WIPF1: variants seen among roughly 807,000 people sequenced by gnomAD.
WIPF1 encodes WAS/WASL interacting protein family member 1, also known as WAS/WASL-interacting protein family member 1.
In WIPF1, 13 loss-of-function variants were observed where a neutral mutation model predicts 35.4. That is an observed-to-expected ratio of 0.37 (90% CI 0.24 to 0.58). The LOEUF (loss-of-function observed/expected upper bound fraction) is 0.58, where lower values mean the gene tolerates loss of function less well. Among genes scored for constraint, WIPF1 ranks in the 20% least tolerant of loss-of-function variants. WIPF1 has a pLI of 0.74. For missense variants in WIPF1, 591 were observed against 667.0 expected, an observed-to-expected ratio of 0.89 and a Z score of 1.25; for synonymous variants, 267 against 266.3, an observed-to-expected ratio of 1.00 and a Z score of -0.02.
chr2:174,562,144 G>C lies in WIPF1; in HGVS notation c.*403C>G. The stretch of plus-strand genomic sequence containing the variant: ...AGGTGGTCTGTGGTTCATAGAAACA[G>C]AGAGGAGGCCAAGCATGCGAAAAAG... On this transcript the variant is annotated 3_prime_UTR_variant, in exon 8 of 8. Coordinates refer to ENST00000679041, the MANE Select transcript of WIPF1 (RefSeq NM_001375834.1). The C allele has an allele frequency of 6.4e-7, 1 of 1,550,600 alleles. No homozygotes were observed. The highest frequency in any genetic ancestry group is 1.2e-5 in the South Asian group (1 of 84,060).
At chr2:174,663,113 G>C (rs1343771031) in intron 1 of WIPF1, among the ~76,000 whole-genome samples, 1 of 152,158 alleles carries the variant, frequency 6.6e-6, no homozygotes, top group Non-Finnish European at 1.5e-5. Context: ...GTGAAGAGAG[G>C]GTGGGAGAAA....
At chr2:174,653,393 A>T (rs114661644) in intron 1 of WIPF1, among the ~76,000 whole-genome samples, 3,564 of 152,182 alleles carry the variant, frequency 0.023, 136 homozygotes, top group African/African-American at 0.079. Context: ...ATATGGGGAT[A>T]GTACCTCTTA....
At chr2:174,570,492 A>C (rs1361833953) in intron 5 of WIPF1, 1 of 152,176 alleles carries the variant, frequency 6.6e-6, no homozygotes, top group Non-Finnish European at 1.5e-5. Flanking sequence ...TATTTTGGGG[A>C]AGATTTAATC....
chr2:174,620,222 A>C (rs150153029), intron 1 of WIPF1, among the ~76,000 whole-genome samples: 19 of 152,362 alleles, frequency 1.2e-4, no homozygotes, highest in African/African-American at 4.6e-4. Flanking sequence ...AAACAGCTTC[A>C]GTGAATATCT....
At chr2:174,654,535 A>C (rs1289498352) in intron 1 of WIPF1, among the ~76,000 whole-genome samples, 1 of 152,060 alleles carries the variant, frequency 6.6e-6, no homozygotes, top group Non-Finnish European at 1.5e-5. Flanking sequence ...AAAGAACAAG[A>C]TTCTAGAGTC....
chr2:174,620,715 A>C (rs1686647505), intron 1 of WIPF1, among the ~76,000 whole-genome samples: 1 of 152,204 alleles, frequency 6.6e-6, no homozygotes, highest in Non-Finnish European at 1.5e-5. Context: ...CATTTTAGGG[A>C]CATGTGAGCA....
At chr2:174,594,606 C>G (rs1685734911) in intron 1 of WIPF1, among the ~76,000 whole-genome samples, 1 of 134,754 alleles carries the variant, frequency 7.4e-6, no homozygotes, top group Non-Finnish European at 1.7e-5. Context: ...GTTCAAATCT[C>G]CAAGCTAAAA....
intron 1 of WIPF1, among the ~76,000 whole-genome samples, chr2:174,648,751 G>A (rs1409718985): frequency 1.3e-5 from 2 of 152,134 alleles, no homozygotes; most frequent in Non-Finnish European, 2.9e-5. Context: ...GCTATGGAAT[G>A]TACAATTAGA....
intron 5 of WIPF1, among the ~76,000 whole-genome samples, chr2:174,570,130 C>G (rs1213640739): frequency 6.6e-6 from 1 of 152,114 alleles, no homozygotes; most frequent in Non-Finnish European, 1.5e-5. Context: ...CCCATATGAC[C>G]AAGTGAGGGG....
At chr2:174,656,552 T>C (rs1484984367) in intron 1 of WIPF1, among the ~76,000 whole-genome samples, 2 of 152,200 alleles carry the variant, frequency 1.3e-5, no homozygotes, top group Non-Finnish European at 2.9e-5. Context: ...TTTTAAGATA[T>C]TCTCCAATGA....
intron 1 of WIPF1, among the ~76,000 whole-genome samples, chr2:174,679,361 G>C (rs1181338025): frequency 6.6e-6 from 1 of 152,016 alleles, no homozygotes; most frequent in African/African-American, 2.4e-5. Flanking sequence ...CCAGCTACTT[G>C]GGAGGCTGAG....
chr2:174,633,065 G>A (rs1687076422), intron 1 of WIPF1, among the ~76,000 whole-genome samples: 1 of 152,134 alleles, frequency 6.6e-6, no homozygotes, highest in African/African-American at 2.4e-5. Context: ...CTCCAAACCT[G>A]ATAACAATGT....
chr2:174,569,972 T>C (rs2105801459), intron 5 of WIPF1, among the ~76,000 whole-genome samples: 1 of 152,356 alleles, frequency 6.6e-6, no homozygotes, highest in East Asian at 1.9e-4. Context: ...GCAGTACCTA[T>C]TGAAATCCAT....
At chr2:174,646,220 A>C (rs1248473922) in intron 1 of WIPF1, among the ~76,000 whole-genome samples, 1 of 152,212 alleles carries the variant, frequency 6.6e-6, no homozygotes, top group Admixed American at 6.5e-5. Context: ...CGGGACCAAG[A>C]GAACACCTAA....
At chr2:174,598,993 A>C (rs1008499415), upstream of WIPF1, among the ~76,000 whole-genome samples, 1 of 152,266 alleles carries the variant, frequency 6.6e-6, no homozygotes, top group East Asian at 1.9e-4. Flanking sequence ...AAACAGTAAC[A>C]GTCAAAGAAT....
rs1375680784 is a variant in WIPF1 at position 174,648,968 on chromosome 2, C to T, written c.-39+33806G>A. ...TTACATTTCACATTTGTGCAGTTTG[C>T]ATAACAGGCACATTTAACTTACATA... On this transcript the variant is annotated intron_variant, in intron 1 of 8. Coordinates refer to the WIPF1 transcript ENST00000272746. 2.0e-5 allele frequency among the ~76,000 whole-genome samples: 3 copies of T among 152,262 alleles called. No individual in the cohort carries two copies. In the East Asian group the frequency reaches 5.8e-4, roughly 29 times the overall value.
intron 1 of WIPF1, among the ~76,000 whole-genome samples, chr2:174,621,114 G>C (rs1357996240): frequency 1.3e-5 from 2 of 152,210 alleles, no homozygotes; most frequent in Non-Finnish European, 2.9e-5. Flanking sequence ...GGCAGTACGG[G>C]GAAGGACTGG....
intron 1 of WIPF1, among the ~76,000 whole-genome samples, chr2:174,638,832 G>A (rs1309622568): frequency 6.6e-6 from 1 of 152,154 alleles, no homozygotes; most frequent in African/African-American, 2.4e-5. Flanking sequence ...TGTAAACAGT[G>A]CTACAATAAA....
At chr2:174,580,287 A>G (rs187174131) in intron 3 of WIPF1, among the ~76,000 whole-genome samples, 1 of 152,280 alleles carries the variant, frequency 6.6e-6, no homozygotes, top group African/African-American at 2.4e-5. Context: ...TCTCACTCGC[A>G]GCACTTTGCC....
Sources: gnomAD v4.1 joint callset for allele counts (sites outside exome capture counted in the v4.1 genomes callset) on GRCh38, gnomAD v4.1.1 for gene constraint, MANE v1.5 for transcripts, NCBI Gene and HGNC (gene_info 2026-07-23, HGNC 2026-07-21) for gene names.